Variants in DLC1 observed in about 807,000 individuals in gnomAD.
DLC1 encodes the protein rho GTPase-activating protein 7.
In DLC1, 54 loss-of-function variants were observed where a neutral mutation model predicts 140.3. That is an observed-to-expected ratio of 0.38 (90% CI 0.31 to 0.48). The LOEUF (loss-of-function observed/expected upper bound fraction) is 0.48, where lower values mean the gene tolerates loss of function less well. Ranked by LOEUF, DLC1 falls within the 20% of genes least tolerant of loss-of-function variation. The probability of loss-of-function intolerance (pLI) is 0.96; values close to 1 mark genes in which losing one functional copy is unlikely to be tolerated. For missense variants in DLC1, 2,536 were observed against 1,907.0 expected (o/e 1.33, Z -6.14); for synonymous variants, 986 against 728.1 (o/e 1.35, Z -5.70).
chr8:13,528,661 C>A lies in DLC1; in HGVS notation c.-125-28465G>T, dbSNP rs1220826704. Among the ~76,000 whole-genome samples, 5 of 152,096 alleles carry A rather than the reference C, an allele frequency of 3.3e-5. No homozygotes were observed. In the East Asian group the frequency reaches 9.6e-4, roughly 29 times the overall value. On this transcript the variant is annotated intron_variant, in intron 1 of 1. Coordinates refer to the DLC1 transcript ENST00000631382. Reference sequence around the variant, plus strand: ...TGTAGACAAATGAATCACAGAAACACAGTAGCTATTTTATTTGGGGCCTTG... The same window carrying A: ...TGTAGACAAATGAATCACAGAAACAAAGTAGCTATTTTATTTGGGGCCTTG...
chr8:13,393,145 C>A (rs1424543992), intron 4 of DLC1, among the ~76,000 whole-genome samples: 1 of 151,498 alleles, frequency 6.6e-6, no homozygotes, highest in Non-Finnish European at 1.5e-5. Flanking sequence ...TCCATCCATC[C>A]ATCCATCCAT....
chr8:13,417,799 A>G (rs1221013747), intron 2 of DLC1, among the ~76,000 whole-genome samples: 1 of 151,972 alleles, frequency 6.6e-6, no homozygotes, highest in African/African-American at 2.4e-5. Flanking sequence ...GACTTCCACA[A>G]TGGTTGAACT....
At chr8:13,588,921 C>T (rs1260128560) in intron 1 of DLC1, among the ~76,000 whole-genome samples, 1 of 152,042 alleles carries the variant, frequency 6.6e-6, no homozygotes, top group Non-Finnish European at 1.5e-5. Flanking sequence ...GTTTAACAAG[C>T]TACATTACCC....
intron 1 of DLC1, chr8:13,567,589 C>G: frequency 6.4e-7 from 1 of 1,551,750 alleles, no homozygotes; most frequent in Non-Finnish European, 8.7e-7. Flanking sequence ...TTATCAGTGT[C>G]CCTATTGTAA....
At chr8:13,341,159 A>C (rs1254936315) in intron 4 of DLC1, 1 of 152,248 alleles carries the variant, frequency 6.6e-6, no homozygotes, top group African/African-American at 2.4e-5. Context: ...TATAACCACA[A>C]CACTGAGCAA....
At chr8:13,254,391 A>G (rs1233941016) in intron 5 of DLC1, among the ~76,000 whole-genome samples, 1 of 152,122 alleles carries the variant, frequency 6.6e-6, no homozygotes, top group Non-Finnish European at 1.5e-5. Context: ...TCTGTTTTCT[A>G]TGTGTACCCT....
chr8:13,178,272 A>G (rs1825856685), intron 5 of DLC1, among the ~76,000 whole-genome samples: 2 of 152,170 alleles, frequency 1.3e-5, no homozygotes, highest in Admixed American at 6.5e-5. Flanking sequence ...CTATGATACA[A>G]GAAAAATAGG....
chr8:13,403,900 ACT>A (rs1303028026), intron 2 of DLC1, among the ~76,000 whole-genome samples: 10 of 144,948 alleles, frequency 6.9e-5, no homozygotes, highest in Non-Finnish European at 1.3e-4. Context: ...CTCAGGAGAT[ACT>A]CTCGTCTCGG....
At chr8:13,254,653 T>C (rs547638196) in intron 5 of DLC1, among the ~76,000 whole-genome samples, 3 of 147,214 alleles carry the variant, frequency 2.0e-5, no homozygotes, top group Admixed American at 1.4e-4. Flanking sequence ...TCAGATATTA[T>C]TGGAAACTAC....
At chr8:13,263,386 T>C (rs147618615) in intron 5 of DLC1, among the ~76,000 whole-genome samples, 32 of 152,302 alleles carry the variant, frequency 2.1e-4, no homozygotes, top group Non-Finnish European at 4.0e-4. Flanking sequence ...ATGAACTTTA[T>C]GTTATTATCA....
intron 1 of DLC1, among the ~76,000 whole-genome samples, chr8:13,601,115 T>C (rs1374239682): frequency 6.6e-6 from 1 of 151,784 alleles, no homozygotes; most frequent in Non-Finnish European, 1.5e-5. Context: ...CCCATTAATA[T>C]TATTTTAGGT....
chr8:13,165,768 G>T (rs1825064350), intron 5 of DLC1, among the ~76,000 whole-genome samples: 1 of 152,144 alleles, frequency 6.6e-6, no homozygotes, highest in Non-Finnish European at 1.5e-5. Flanking sequence ...GAGTGGCAAT[G>T]ATTCTCTTTC....
intron 1 of DLC1, chr8:13,567,242 GTA>G: frequency 6.4e-7 from 1 of 1,551,564 alleles, no homozygotes; most frequent in Non-Finnish European, 8.7e-7. Context: ...AAGAAGTTGA[GTA>G]AAAAATGGAT....
chr8:13,363,412 C>G (rs1233647459), intron 4 of DLC1, among the ~76,000 whole-genome samples: 1 of 151,094 alleles, frequency 6.6e-6, no homozygotes, highest in Non-Finnish European at 1.5e-5. Flanking sequence ...CCATCAGAAC[C>G]TAGCATTATG....
intron 4 of DLC1, among the ~76,000 whole-genome samples, chr8:13,337,411 C>T (rs1415346670): frequency 6.6e-6 from 1 of 152,024 alleles, no homozygotes; most frequent in Non-Finnish European, 1.5e-5. Context: ...AATAATTAGT[C>T]CAATATTTTC....
chr8:13,207,536 C>T (rs1563164955), intron 5 of DLC1, among the ~76,000 whole-genome samples: 1 of 152,064 alleles, frequency 6.6e-6, no homozygotes, highest in Non-Finnish European at 1.5e-5. Flanking sequence ...TTCATTATAA[C>T]ATTTATAGAG....
At chr8:13,239,719 C>T (rs1829460480) in intron 5 of DLC1, among the ~76,000 whole-genome samples, 1 of 152,158 alleles carries the variant, frequency 6.6e-6, no homozygotes, top group Admixed American at 6.5e-5. Context: ...GCTATGTTCT[C>T]CAACTTCAAA....
chr8:13,576,617 C>T (rs1804846296), intron 1 of DLC1, among the ~76,000 whole-genome samples: 1 of 151,272 alleles, frequency 6.6e-6, no homozygotes, highest in African/African-American at 2.4e-5. Context: ...CAATAATTTT[C>T]ACAAATTTAA....
At chr8:13,091,205 G>C in intron 14 of DLC1, 113 bp downstream of exon 14, 2 of 856,326 alleles carry the variant, frequency 2.3e-6, no homozygotes. Flanking sequence ...TATTTATACC[G>C]TCTCCAGCTG....
Sources: gnomAD v4.1 joint callset for allele counts (sites outside exome capture counted in the v4.1 genomes callset) on GRCh38, gnomAD v4.1.1 for gene constraint, MANE v1.5 for transcripts, NCBI Gene and HGNC (gene_info 2026-07-23, HGNC 2026-07-21) for gene names.